TMEM135: variants seen among roughly 807,000 people sequenced by gnomAD.
The protein encoded by TMEM135 is peroxisomal membrane protein 52.
A neutral mutation model predicts 60.3 loss-of-function variants in TMEM135; 30 were observed. That is an observed-to-expected ratio of 0.50 (90% CI 0.37 to 0.68). The LOEUF is 0.68. Among genes scored for constraint, TMEM135 ranks in the 30% least tolerant of loss-of-function variants. The pLI, the probability that TMEM135 is intolerant of heterozygous loss-of-function variation, is 0.00. For synonymous variants in TMEM135, 190 were observed against 186.7 expected, an observed-to-expected ratio of 1.02 and a Z score of -0.14; for missense variants, 468 against 548.8, an observed-to-expected ratio of 0.85 and a Z score of 1.47.
rs1193860199 is a variant in TMEM135, at chr11:87,322,346, A to G, written c.*1013A>G. 1 of 453,976 alleles carries G rather than the reference A, an allele frequency of 2.2e-6. No individual in the cohort carries two copies. The allele number at this position is 453,976 out of a possible 1,614,324, so 28.1% of individuals were successfully genotyped here. Reference sequence around the variant, plus strand: ...CACTATAAAAATCCAGTGGTTGTTTAAAAAGTCCATTTGTCACTAATTCCA... The same window carrying G: ...CACTATAAAAATCCAGTGGTTGTTTGAAAAGTCCATTTGTCACTAATTCCA... On this transcript the variant is annotated 3_prime_UTR_variant, in exon 15 of 15. Coordinates refer to ENST00000305494, the MANE Select transcript of TMEM135 (RefSeq NM_022918.4).
At chr11:87,070,318 G>T (rs1348331793) in intron 2 of TMEM135, among the ~76,000 whole-genome samples, 1 of 151,590 alleles carries the variant, frequency 6.6e-6, no homozygotes, top group African/African-American at 2.4e-5. Flanking sequence ...ATGTTTTCAA[G>T]GAAAAAAAAC....
intron 4 of TMEM135, among the ~76,000 whole-genome samples, chr11:87,098,475 A>G (rs1857380487): frequency 6.6e-6 from 1 of 152,124 alleles, no homozygotes; most frequent in South Asian, 2.1e-4. Flanking sequence ...GAAGTACATG[A>G]CTTATTTTGA....
intron 4 of TMEM135, among the ~76,000 whole-genome samples, chr11:87,151,309 A>G (rs924775964): frequency 6.6e-6 from 1 of 152,108 alleles, no homozygotes; most frequent in African/African-American, 2.4e-5. Flanking sequence ...ACTAAAATTT[A>G]TAGTTTTGCT....
intron 5 of TMEM135, among the ~76,000 whole-genome samples, chr11:87,218,836 C>T (rs1243054785): frequency 2.6e-5 from 4 of 152,128 alleles, no homozygotes; most frequent in Non-Finnish European, 4.4e-5. Context: ...GTGGTGCACA[C>T]CTGTGATCCC....
intron 5 of TMEM135, among the ~76,000 whole-genome samples, chr11:87,163,341 T>C (rs1938944218): frequency 6.9e-6 from 1 of 144,936 alleles, no homozygotes; most frequent in Non-Finnish European, 1.5e-5. Context: ...TCCAATTTCA[T>C]CCATGTCCCT....
rs143167099 is a variant in TMEM135 at position 87,195,281 on chromosome 11, A to G, written c.462+37875A>G. ...ACAAGAATGATGAATTTTAATTTGTATAATTGAAAAAGTCATTTTCTCTTT... is the reference window on the plus strand; with the variant it reads ...ACAAGAATGATGAATTTTAATTTGTGTAATTGAAAAAGTCATTTTCTCTTT... On this transcript the variant is annotated intron_variant, in intron 5 of 14. Transcript: ENST00000305494. Among the ~76,000 whole-genome samples, 42 of 151,842 alleles carry G rather than the reference A, an allele frequency of 2.8e-4. No homozygotes were observed. In the East Asian group the frequency reaches 7.4e-3, roughly 27 times the overall value.
At position 87,328,225 on chromosome 11, in the gene TMEM135, G is replaced by A. The variant is rs1057205591; in HGVS notation, c.*6892G>A. The A allele has an allele frequency of 1.1e-5, 5 of 453,810 alleles. No individual in the cohort carries two copies. The highest frequency in any genetic ancestry group is 2.2e-5 in the Non-Finnish European group (5 of 226,760). The allele number at this position is 453,810 out of a possible 1,614,324, so 28.1% of individuals were successfully genotyped here. ...TTCCCATTATATCCTTCTCTCTCTT[G>A]ATTTAGAATTCTCTTTTTCTCCACT... On this transcript the variant is annotated 3_prime_UTR_variant, in exon 15 of 15. Coordinates refer to ENST00000305494, the MANE Select transcript of TMEM135 (RefSeq NM_022918.4).
chr11:87,264,577 T>G (rs1941714400), intron 6 of TMEM135, among the ~76,000 whole-genome samples: 1 of 151,908 alleles, frequency 6.6e-6, no homozygotes, highest in Non-Finnish European at 1.5e-5. Context: ...TGATCACTTT[T>G]TCTTATGAAA....
chr11:87,222,423 T>TG (rs1321722793), intron 5 of TMEM135, among the ~76,000 whole-genome samples: 2 of 92,400 alleles, frequency 2.2e-5, no homozygotes, highest in Non-Finnish European at 4.5e-5. Flanking sequence ...GCGTGAACCC[T>TG]GGGGGGCTGA....
At position 87,274,615 on chromosome 11, in the gene TMEM135, A is replaced by T. The variant is rs116781724; in HGVS notation, c.510-21167A>T. On this transcript the variant is annotated intron_variant, in intron 6 of 14. Coordinates refer to ENST00000305494, the MANE Select transcript of TMEM135 (RefSeq NM_022918.4). ...GAGTGAATGAACTCTTGAAAAATAT[A>T]TTTTCAACTCCATGTCCTCATATTC... 9.5e-3 allele frequency among the ~76,000 whole-genome samples: 1,443 copies of T among 152,240 alleles called. 21 individuals are homozygous for T. Among genetic ancestry groups the T allele is most frequent in the African/African-American group, 0.032 (1,336 of 41,522 alleles).
At chr11:87,053,167 G>A (rs1449973661) in intron 1 of TMEM135, among the ~76,000 whole-genome samples, 4 of 100,610 alleles carry the variant, frequency 4.0e-5, no homozygotes, top group African/African-American at 1.6e-4. Context: ...ACTGTGGTGG[G>A]GTCGGGGGAG....
chr11:87,254,285 T>G (rs1941479321), intron 6 of TMEM135, among the ~76,000 whole-genome samples: 1 of 152,124 alleles, frequency 6.6e-6, no homozygotes, highest in Non-Finnish European at 1.5e-5. Flanking sequence ...AGAAGTAAAA[T>G]TTTTAGCCTT....
chr11:87,283,845 G>C (rs906987084), intron 6 of TMEM135, among the ~76,000 whole-genome samples: 2 of 152,134 alleles, frequency 1.3e-5, no homozygotes, highest in Non-Finnish European at 2.9e-5. Flanking sequence ...GTGACAGAGC[G>C]AGACTCCATC....
intron 4 of TMEM135, among the ~76,000 whole-genome samples, chr11:87,151,891 T>A (rs1423202092): frequency 5.3e-5 from 8 of 152,226 alleles, no homozygotes; most frequent in African/African-American, 1.9e-4. Flanking sequence ...ATTAGTATAG[T>A]GTCTCACTTC....
chr11:87,250,353 C>G (rs577827551), intron 6 of TMEM135, among the ~76,000 whole-genome samples: 1 of 152,054 alleles, frequency 6.6e-6, no homozygotes, highest in East Asian at 1.9e-4. Flanking sequence ...TCTTGCTTTT[C>G]TAGTTCTTTA....
chr11:87,097,720 C>T (rs1329370333), intron 4 of TMEM135, among the ~76,000 whole-genome samples: 3 of 152,102 alleles, frequency 2.0e-5, no homozygotes, highest in Non-Finnish European at 4.4e-5. Context: ...GACAAGCATG[C>T]TTTCTCTTCA....
At chr11:87,272,641 T>C (rs1474423955) in intron 6 of TMEM135, among the ~76,000 whole-genome samples, 1 of 151,388 alleles carries the variant, frequency 6.6e-6, no homozygotes, top group African/African-American at 2.4e-5. Flanking sequence ...AAAAAATTTT[T>C]TTGTAGAGAT....
chr11:87,233,436 C>A (rs894313050), intron 5 of TMEM135, among the ~76,000 whole-genome samples: 3 of 151,926 alleles, frequency 2.0e-5, no homozygotes, highest in South Asian at 2.1e-4. Flanking sequence ...TAACATCAAG[C>A]CAAAGAAAGG....
chr11:87,172,898 T>C (rs1051345239), intron 5 of TMEM135, among the ~76,000 whole-genome samples: 4 of 151,842 alleles, frequency 2.6e-5, no homozygotes, highest in Non-Finnish European at 4.4e-5. Context: ...ACAATTTACA[T>C]ATTTGATATT....
Sources: allele counts gnomAD v4.1 joint callset (sites outside exome capture counted in the v4.1 genomes callset), GRCh38; gene constraint gnomAD v4.1.1; transcripts MANE v1.5; gene names NCBI Gene and HGNC (gene_info 2026-07-23, HGNC 2026-07-21).